Variants in C19orf81 observed in about 807,000 individuals in gnomAD.
C19orf81 encodes chromosome 19 open reading frame 81.
Under a neutral mutation model 22.1 loss-of-function variants are expected in C19orf81, and 19 were observed. The ratio of observed to expected loss-of-function variants is 0.86; its 90% confidence interval spans 0.60 to 1.26. C19orf81 has a LOEUF of 1.26. Among genes scored for constraint, C19orf81 ranks in the 50% most tolerant of loss-of-function variants. The probability of loss-of-function intolerance (pLI) is 0.00; values close to 1 mark genes in which losing one functional copy is unlikely to be tolerated. For missense variants in C19orf81, 287 were observed against 280.7 expected (o/e 1.02, Z -0.16); for synonymous variants, 108 against 113.1 (o/e 0.95, Z 0.29).
chr19:50,656,107 G>A lies in C19orf81; in HGVS notation c.125G>A (p.Arg42Lys). ...GAGATGCAGGCTCGGAGCCTGGGCA[G>A]GCCCATCAAATCCTCGTGAGTTGTC... ...PEEMQARSLGRPIKSSKQYLR... is the reference protein window; with the variant it reads ...PEEMQARSLGKPIKSSKQYLR... The change falls in exon 2 of 5, where the codon AGG becomes AAG. Residue 42 changes from arginine to lysine, a missense_variant. Transcript: ENST00000425202. 1 of 1,536,158 alleles carries A rather than the reference G, an allele frequency of 6.5e-7. No homozygotes were observed. The highest frequency in any genetic ancestry group is 1.4e-5 in the African/African-American group (1 of 73,170).
chr19:50,656,669 G>A (rs1235711527), intron 3 of C19orf81, among the ~76,000 whole-genome samples: 10 of 152,142 alleles, frequency 6.6e-5, no homozygotes, highest in Non-Finnish European at 1.5e-4. Context: ...AAGCCCATGT[G>A]TGTCGGGTGC....
chr19:50,654,891 G>C (rs1984960530), intron 1 of C19orf81, among the ~76,000 whole-genome samples: 1 of 152,202 alleles, frequency 6.6e-6, no homozygotes, highest in African/African-American at 2.4e-5. Context: ...TGTAATGAAA[G>C]GCAGGGTTGT....
intron 1 of C19orf81, among the ~76,000 whole-genome samples, chr19:50,651,862 GTTC>G (rs1422916638): frequency 5.9e-5 from 9 of 152,006 alleles, no homozygotes; most frequent in South Asian, 2.1e-4. Flanking sequence ...ACTAGAAATA[GTTC>G]TTATTTCTAA....
chr19:50,658,480 G>A (rs896755867), intron 4 of C19orf81: 1 of 288,912 alleles, frequency 3.5e-6, no homozygotes, highest in Non-Finnish European at 6.5e-6. Context: ...GGTAAGGTCC[G>A]GTGAGATCAG....
chr19:50,654,944 C>T lies in C19orf81; in HGVS notation c.68-1106C>T, dbSNP rs143446043. ...TGAGAAGATTTAGAGATAAGAGTTCCTCCCATACTGTTGCTTGCCATATCT... is the reference window on the plus strand; with the variant it reads ...TGAGAAGATTTAGAGATAAGAGTTCTTCCCATACTGTTGCTTGCCATATCT... On this transcript the variant is annotated intron_variant, in intron 1 of 4. Coordinates refer to ENST00000425202, the MANE Select transcript of C19orf81 (RefSeq NM_001195076.2). Among the ~76,000 whole-genome samples the T allele has an allele frequency of 2.4e-4, 37 of 152,272 alleles. No individual in the cohort carries two copies. In the East Asian group the frequency reaches 7.1e-3, roughly 29 times the overall value.
intron 4 of C19orf81, chr19:50,658,472 T>G: frequency 3.5e-6 from 1 of 287,228 alleles, no homozygotes; most frequent in Non-Finnish European, 6.6e-6. Context: ...CGGTTGGAGG[T>G]AAGGTCCGGT....
In C19orf81 at chr19:50,656,278, C is replaced by G. The variant is rs991076028; in HGVS notation, c.193C>G (p.Leu65Val). 1 of 1,536,074 alleles carries G rather than the reference C, an allele frequency of 6.5e-7. No homozygotes were observed. Among genetic ancestry groups the G allele is most frequent in the Admixed American group, 2.0e-5 (1 of 50,980 alleles). Residue 65 changes from leucine (L) to valine (V), a missense_variant, in exon 3 of 5, where the codon CTC becomes GTC. By Grantham distance (32) the Leu-to-Val change is conservative (BLOSUM62 1). Coordinates refer to ENST00000425202, the MANE Select transcript of C19orf81 (RefSeq NM_001195076.2). The part of the protein sequence containing the change: ...IAEYEALDRE[L>V]PCIRKFPTPP... Reference sequence around the variant, plus strand: ...AGAGTACGAGGCACTGGACCGAGAACTCCCGTGCATCCGGAAGTTCCCCAC... The same window carrying G: ...AGAGTACGAGGCACTGGACCGAGAAGTCCCGTGCATCCGGAAGTTCCCCAC...
At chr19:50,658,230 C>A in intron 4 of C19orf81, 102 bp downstream of exon 4, 1 of 1,225,408 alleles carries the variant, frequency 8.2e-7, no homozygotes, top group Non-Finnish European at 1.1e-6. Context: ...AGGGACGTGG[C>A]CAAGAGTGAA....
At position 50,652,516 on chromosome 19, in the gene C19orf81, A is replaced by G. The variant is rs531843094; in HGVS notation, c.67+3005A>G. ...ATTAGCCAAATGAGGGGGAAGAGAG[A>G]TCCACGCAGAGTTACAGCATTGGCC... On this transcript the variant is annotated intron_variant, in intron 1 of 4. Transcript: ENST00000425202. Among the ~76,000 whole-genome samples, 176 of 152,298 alleles carry G rather than the reference A, an allele frequency of 1.2e-3. 1 individual carries two copies. Among genetic ancestry groups the G allele is most frequent in the African/African-American group, 2.2e-3 (93 of 41,564 alleles).
In C19orf81 at chr19:50,659,210, G is replaced by A. The variant is rs1985087085; in HGVS notation, c.*68G>A. On this transcript the variant is annotated 3_prime_UTR_variant, in exon 5 of 5. Coordinates refer to ENST00000425202, the MANE Select transcript of C19orf81 (RefSeq NM_001195076.2). The stretch of plus-strand genomic sequence containing the variant: ...GCTGGGGCCACCCACCCGGAGCCCC[G>A]GAGGACAGGGGGCGTTGCCTTCCCA... The A allele has an allele frequency of 1.5e-5, 18 of 1,229,456 alleles. No individual in the cohort carries two copies. Among genetic ancestry groups the A allele is most frequent in the Non-Finnish European group, 1.5e-5 (15 of 974,056 alleles). 76.2% of individuals were successfully genotyped at this position (1,229,456 alleles called of 1,614,324 possible). A position where few individuals can be genotyped will look rare whatever the true frequency, so the allele number is the denominator to read the frequency against.
chr19:50,649,591 C>T, intron 1 of C19orf81, 80 bp downstream of exon 1: 1 of 1,444,230 alleles, frequency 6.9e-7, no homozygotes, highest in Non-Finnish European at 9.4e-7. Flanking sequence ...CACAGTGTGG[C>T]CTTAAGCGAG....
rs1033025338 is a variant in C19orf81 at position 50,649,465 on chromosome 19, C to T, written c.21C>T (p.Pro7=). The T allele has an allele frequency of 2.0e-6, 3 of 1,536,196 alleles. No individual in the cohort carries two copies. ...CCAGGATGCAGCCAGAGGTGGAGCCCGTGTGCTTCCCTGCCATGGGCAGCC... is the reference window on the plus strand; with the variant it reads ...CCAGGATGCAGCCAGAGGTGGAGCCTGTGTGCTTCCCTGCCATGGGCAGCC... The part of the protein sequence containing the change: MQPEVE[P]VCFPAMGSPT... The change falls in exon 1 of 5, where the codon CCC becomes CCT. Residue 7 remains proline, a synonymous_variant. Transcript: ENST00000425202.
rs1203259810 is a variant in C19orf81 at position 50,659,023 on chromosome 19, C to T, written c.478C>T (p.His160Tyr). The change falls in exon 5 of 5, where the codon CAC becomes TAC. Residue 160 changes from histidine to tyrosine, a missense_variant. By Grantham distance (83) the His-to-Tyr change is moderately conservative (BLOSUM62 2). Coordinates refer to ENST00000425202, the MANE Select transcript of C19orf81 (RefSeq NM_001195076.2). ...RSGLSPRGLA[H>Y]QIVRHDDLLL... ...CGGGCTCAGTCCCCGCGGGCTTGCG[C>T]ACCAGATCGTGCGCCACGACGACCT... 1.3e-6 allele frequency: 2 copies of T among 1,529,464 alleles called. No individual in the cohort carries two copies. Among genetic ancestry groups the T allele is most frequent in the Non-Finnish European group, 8.7e-7 (1 of 1,143,424 alleles). 94.7% of individuals were successfully genotyped at this position (1,529,464 alleles called of 1,614,324 possible).
At chr19:50,658,913 G>T (rs1985068958) in intron 4 of C19orf81, 34 bp from the exon 5 acceptor site, 1 of 1,406,526 alleles carries the variant, frequency 7.1e-7, no homozygotes, top group Non-Finnish European at 9.3e-7. Context: ...GAAACGACCT[G>T]CGAGTTCCTT....
intron 1 of C19orf81, among the ~76,000 whole-genome samples, chr19:50,649,996 C>T (rs1165063072): frequency 6.6e-6 from 1 of 152,142 alleles, no homozygotes; most frequent in Non-Finnish European, 1.5e-5. Context: ...CCATTCCTTC[C>T]TCTCTGTCCC....
chr19:50,658,983 G>A lies in C19orf81; in HGVS notation c.438G>A (p.Ser146=), dbSNP rs111980070. Residue 146 remains serine, a synonymous_variant, in exon 5 of 5, where the codon TCG becomes TCA. Transcript: ENST00000425202. ...CGGTCACGGACTTCCAGACGCGCTC[G>A]CGCTTGCTGCGCTCCGGGCTCAGTC... The part of the protein sequence containing the change: ...LIAVTDFQTR[S]RLLRSGLSPR... 1.3e-6 allele frequency: 2 copies of A among 1,516,006 alleles called. No individual in the cohort carries two copies. The highest frequency in any genetic ancestry group is 1.8e-6 in the Non-Finnish European group (2 of 1,135,046). The allele number at this position is 1,516,006 out of a possible 1,614,324, so 93.9% of individuals were successfully genotyped here.
rs893184611 is a variant in C19orf81, at chr19:50,649,466, G to A, written c.22G>A (p.Val8Met). Residue 8 changes from valine (V) to methionine (M), a missense_variant, in exon 1 of 5, where the codon GTG becomes ATG. Val to Met is a conservative substitution (Grantham distance 21). Coordinates refer to ENST00000425202, the MANE Select transcript of C19orf81 (RefSeq NM_001195076.2). ...CAGGATGCAGCCAGAGGTGGAGCCC[G>A]TGTGCTTCCCTGCCATGGGCAGCCC... Reference protein sequence around the residue: MQPEVEPVCFPAMGSPTM... With the variant: MQPEVEPMCFPAMGSPTM... 11 of 1,536,074 alleles carry A rather than the reference G, an allele frequency of 7.2e-6. No homozygotes were observed. The highest frequency in any genetic ancestry group is 2.4e-5 in the East Asian group (1 of 40,934).
Position 50,659,238 on chromosome 19 carries a change from A to G in C19orf81, c.*96A>G. The G allele has an allele frequency of 4.6e-6, 5 of 1,087,924 alleles. No homozygotes were observed. Among genetic ancestry groups the G allele is most frequent in the Non-Finnish European group, 5.9e-6 (5 of 848,296 alleles). 67.4% of individuals were successfully genotyped at this position (1,087,924 alleles called of 1,614,324 possible). On this transcript the variant is annotated 3_prime_UTR_variant, in exon 5 of 5. Transcript: ENST00000425202. ...GGACAGGGGGCGTTGCCTTCCCAGG[A>G]AGGAGGCGGGGCCGGCTCGAGGGGG...
chr19:50,658,663 A>G, intron 4 of C19orf81: 1 of 353,196 alleles, frequency 2.8e-6, no homozygotes, highest in Non-Finnish European at 5.1e-6. Context: ...TGCCTAGGGT[A>G]GAGCGCAGCC....
Sources: allele counts gnomAD v4.1 joint callset (sites outside exome capture counted in the v4.1 genomes callset), GRCh38; gene constraint gnomAD v4.1.1; transcripts MANE v1.5; gene names NCBI Gene and HGNC (gene_info 2026-07-23, HGNC 2026-07-21).